The following TYW3 variants were observed in gnomAD, a reference collection of about 807,000 sequenced individuals.
TYW3 encodes the protein tRNA wybutosine-synthesizing protein 3 homolog.
Under a neutral mutation model 23.1 loss-of-function variants are expected in TYW3, and 26 were observed. That is an observed-to-expected ratio of 1.13 (90% CI 0.83 to 1.56). The LOEUF is 1.56. Among genes scored for constraint, TYW3 ranks in the 40% most tolerant of loss-of-function variants. The probability of loss-of-function intolerance (pLI) is 0.00; values close to 1 mark genes in which losing one functional copy is unlikely to be tolerated. For synonymous variants in TYW3, 102 were observed against 105.7 expected (o/e 0.97, Z 0.21); for missense variants, 316 against 311.9 (o/e 1.01, Z -0.10).
At chr1:74,747,786 C>A (rs1648627384) in intron 3 of TYW3, among the ~76,000 whole-genome samples, 1 of 150,798 alleles carries the variant, frequency 6.6e-6, no homozygotes, top group Non-Finnish European at 1.5e-5. Context: ...TATATGTATA[C>A]ACATGTGTAC....
Position 74,744,416 on chromosome 1 carries a change from G to A in TYW3, c.355-4335G>A, listed in dbSNP as rs533171839. On this transcript the variant is annotated intron_variant, in intron 3 of 5. Transcript: ENST00000370867. Reference sequence around the variant, plus strand: ...AAAAAATGAGCCGCCTCTTTTTCACGGTTTGCGGGTCAAATTGGTCCCAAT... The same window carrying A: ...AAAAAATGAGCCGCCTCTTTTTCACAGTTTGCGGGTCAAATTGGTCCCAAT... Among the ~76,000 whole-genome samples, 11 of 152,006 alleles carry A rather than the reference G, an allele frequency of 7.2e-5. No homozygotes were observed. The South Asian group carries it at 8.3e-4, about 11-fold the overall frequency.
At chr1:74,758,365 T>C (rs564590267) in intron 5 of TYW3, among the ~76,000 whole-genome samples, 1 of 152,372 alleles carries the variant, frequency 6.6e-6, no homozygotes, top group South Asian at 2.1e-4. Flanking sequence ...TTTCTTACCT[T>C]ATTCTAAATC....
chr1:74,757,199 A>G (rs554466188), intron 5 of TYW3, among the ~76,000 whole-genome samples: 10 of 152,328 alleles, frequency 6.6e-5, no homozygotes, highest in African/African-American at 1.9e-4. Context: ...TACTCGGGCA[A>G]TGCCTAGTGG....
chr1:74,738,657 A>G, intron 2 of TYW3, 33 bp from the exon 3 acceptor site: 1 of 1,521,400 alleles, frequency 6.6e-7, no homozygotes. Context: ...CAGGCCATAT[A>G]CTTGCATCTG....
chr1:74,748,549 T>G (rs1648668081), intron 3 of TYW3: 1 of 541,272 alleles, frequency 1.8e-6, no homozygotes, highest in Non-Finnish European at 3.3e-6. Context: ...GACACATCCA[T>G]AGTTCATATT....
chr1:74,754,263 G>A (rs1013168576), intron 5 of TYW3, among the ~76,000 whole-genome samples: 2 of 152,228 alleles, frequency 1.3e-5, no homozygotes, highest in Non-Finnish European at 1.5e-5. Flanking sequence ...ATTGAGCCAC[G>A]TTCACCAACT....
chr1:74,752,483 A>G (rs1312799626), intron 5 of TYW3, 58 bp downstream of exon 5: 17 of 1,470,370 alleles, frequency 1.2e-5, no homozygotes, highest in Admixed American at 9.4e-5. Flanking sequence ...CCTTGAAAAC[A>G]TTAATACTTA....
intron 5 of TYW3, among the ~76,000 whole-genome samples, chr1:74,754,030 A>C (rs551312906): frequency 7.2e-5 from 11 of 152,324 alleles, no homozygotes; most frequent in Non-Finnish European, 1.5e-4. Flanking sequence ...CTAAAGTAAT[A>C]CTTTTAAATA....
Position 74,733,432 on chromosome 1 carries a change from G to GC in TYW3, c.174+15dup, listed in dbSNP as rs746685833. ...CTCCTTGACCGGGTGAGGCCCCTTT[G>GC]CGCCTGTCCATCGCCTGCCTTCTAG... On this transcript the variant is annotated intron_variant, in intron 1 of 5. Coordinates refer to ENST00000370867, the MANE Select transcript of TYW3 (RefSeq NM_138467.3). 12 of 1,613,556 alleles carry GC rather than the reference G, an allele frequency of 7.4e-6. No individual in the cohort carries two copies. The highest frequency in any genetic ancestry group is 9.3e-6 in the Non-Finnish European group (11 of 1,179,762).
chr1:74,748,606 G>A, intron 3 of TYW3, 145 bp from the exon 4 acceptor site: 1 of 668,832 alleles, frequency 1.5e-6, no homozygotes, highest in Non-Finnish European at 2.6e-6. Flanking sequence ...TCATTTTTAA[G>A]CATAGTCCGT....
chr1:74,751,821 C>A (rs1156646031), intron 4 of TYW3, among the ~76,000 whole-genome samples: 3 of 152,144 alleles, frequency 2.0e-5, no homozygotes, highest in African/African-American at 7.2e-5. Context: ...AGATTGTGAA[C>A]CCTAAAGCAT....
At chr1:74,748,577 G>T in intron 3 of TYW3, 174 bp from the exon 4 acceptor site, 2 of 604,646 alleles carry the variant, frequency 3.3e-6, no homozygotes, top group East Asian at 3.0e-5. Context: ...TTTTCCTGAT[G>T]TTAGGAGTTT....
chr1:74,751,670 GAAAA>G (rs772374314), intron 4 of TYW3, among the ~76,000 whole-genome samples: 2 of 136,108 alleles, frequency 1.5e-5, no homozygotes, highest in Non-Finnish European at 3.2e-5. Flanking sequence ...AACTCTGTCT[GAAAA>G]AAAAAAAAAG....
rs555904013 is a variant in TYW3 at position 74,741,009 on chromosome 1, G to A, written c.354+2221G>A. Among the ~76,000 whole-genome samples the A allele has an allele frequency of 1.3e-3, 201 of 152,284 alleles. 1 individual carries two copies. The highest frequency in any genetic ancestry group is 4.8e-3 in the African/African-American group (198 of 41,560). On this transcript the variant is annotated intron_variant, in intron 3 of 5. Transcript: ENST00000370867. ...CCTGCTGGATAGGGGTGAAGAAGGG[G>A]CCCTGCAGTTGTAGTGTCCTCCAGA... is the stretch of plus-strand genomic sequence containing the variant.
intron 3 of TYW3, among the ~76,000 whole-genome samples, chr1:74,740,538 A>G (rs1265523761): frequency 6.6e-6 from 1 of 152,192 alleles, no homozygotes; most frequent in East Asian, 1.9e-4. Context: ...TTTTACAGAC[A>G]GCTGATTGGT....
chr1:74,742,679 A>G (rs1352386647), intron 3 of TYW3, among the ~76,000 whole-genome samples: 2 of 152,196 alleles, frequency 1.3e-5, no homozygotes, highest in African/African-American at 4.8e-5. Flanking sequence ...CACTGTGTGT[A>G]GTAACTCCAT....
Position 74,765,352 on chromosome 1 carries a change from A to C in TYW3, c.*1239A>C, listed in dbSNP as rs1649268062. On this transcript the variant is annotated 3_prime_UTR_variant, in exon 6 of 6. Coordinates refer to ENST00000370867, the MANE Select transcript of TYW3 (RefSeq NM_138467.3). ...AGTTATAGTCCTTACCATTGGGTCTAAGGCAGTTTCCAGGAAAGCATGGCA... is the reference window on the plus strand; with the variant it reads ...AGTTATAGTCCTTACCATTGGGTCTCAGGCAGTTTCCAGGAAAGCATGGCA... 1 of 152,186 alleles carries C rather than the reference A, an allele frequency of 6.6e-6. No homozygotes were observed. Among genetic ancestry groups the C allele is most frequent in the South Asian group, 2.1e-4 (1 of 4,834 alleles). 9.4% of individuals were successfully genotyped at this position (152,186 alleles called of 1,614,324 possible). A position where few individuals can be genotyped will look rare whatever the true frequency, so the allele number is the denominator to read the frequency against.
chr1:74,739,314 G>C (rs1057471207), intron 3 of TYW3, among the ~76,000 whole-genome samples: 1 of 152,098 alleles, frequency 6.6e-6, no homozygotes, highest in Non-Finnish European at 1.5e-5. Context: ...GACTGTCTTG[G>C]TTCCTCTTCC....
rs1044155716 is a variant in TYW3 at position 74,763,332 on chromosome 1, G to T, written c.561-562G>T. ...TTTTTGTTTGTATCAGGGAAAATTT[G>T]AATGTAAATAAAGGCCAATCTAGAT... On this transcript the variant is annotated intron_variant, in intron 5 of 5. Coordinates refer to ENST00000370867, the MANE Select transcript of TYW3 (RefSeq NM_138467.3). 8.5e-5 allele frequency among the ~76,000 whole-genome samples: 13 copies of T among 152,094 alleles called. No individual in the cohort carries two copies. The East Asian group carries it at 2.5e-3, about 29-fold the overall frequency.
Sources: allele counts gnomAD v4.1 joint callset (sites outside exome capture counted in the v4.1 genomes callset), GRCh38; gene constraint gnomAD v4.1.1; transcripts MANE v1.5; gene names NCBI Gene and HGNC (gene_info 2026-07-23, HGNC 2026-07-21).